Variants in IL1RL1 observed in about 807,000 individuals in gnomAD.
IL1RL1 encodes the protein interleukin 1 receptor like 1.
In IL1RL1, 32 loss-of-function variants were observed where a neutral mutation model predicts 50.9. The observed-to-expected ratio is 0.63, with a 90% CI of 0.47 to 0.84. The LOEUF (loss-of-function observed/expected upper bound fraction) is 0.84. Ranked by LOEUF, IL1RL1 falls within the 40% of genes least tolerant of loss-of-function variation. The pLI is 0.00. For missense variants in IL1RL1, 773 were observed against 662.9 expected (o/e 1.17, Z -1.82); for synonymous variants, 275 against 236.0 (o/e 1.17, Z -1.51).
intron 10 of IL1RL1, among the ~76,000 whole-genome samples, chr2:102,350,875 GC>G: frequency 6.6e-6 from 1 of 152,314 alleles, no homozygotes; most frequent in South Asian, 2.1e-4. Context: ...TCACGGTTGT[GC>G]TTTCTCCTGT....
At chr2:102,324,464 G>A (rs1676931524) in intron 1 of IL1RL1, among the ~76,000 whole-genome samples, 1 of 152,210 alleles carries the variant, frequency 6.6e-6, no homozygotes, top group African/African-American at 2.4e-5. Context: ...TCCAACTGAG[G>A]TACTGGGTTC....
intron 1 of IL1RL1, among the ~76,000 whole-genome samples, chr2:102,319,487 C>T (rs1676775702): frequency 6.6e-6 from 1 of 152,146 alleles, no homozygotes; most frequent in African/African-American, 2.4e-5. Context: ...CACTTAAATA[C>T]ATTTGATGAG....
Position 102,343,097 on chromosome 2 carries a change from C to T in IL1RL1, c.744C>T (p.Ala248=), listed in dbSNP as rs150894779. ...GAAAAGGCACTCAGTTCTTGGCTGC[C>T]GTCCTGTGGCAGCTTAATGGAACAA... ...CFGKGTQFLA[A]VLWQLNGTKI... The change falls in exon 7 of 11, where the codon GCC becomes GCT. Residue 248 remains alanine (A), a synonymous_variant. Coordinates refer to ENST00000233954, the MANE Select transcript of IL1RL1 (RefSeq NM_016232.5). 12 of 1,613,864 alleles carry T rather than the reference C, an allele frequency of 7.4e-6. No homozygotes were observed. Among genetic ancestry groups the T allele is most frequent in the South Asian group, 1.1e-5 (1 of 91,080 alleles).
At chr2:102,321,357 T>A (rs1573131433) in intron 1 of IL1RL1, among the ~76,000 whole-genome samples, 1 of 152,182 alleles carries the variant, frequency 6.6e-6, no homozygotes, top group Non-Finnish European at 1.5e-5. Context: ...ATCCCCAGCA[T>A]CTGAAACAGT....
intron 1 of IL1RL1, among the ~76,000 whole-genome samples, chr2:102,336,936 T>C (rs1015493106): frequency 6.6e-6 from 1 of 152,102 alleles, no homozygotes; most frequent in African/African-American, 2.4e-5. Flanking sequence ...TCAAGGAATA[T>C]CTGGAAAGGC....
At chr2:102,348,380 G>C (rs1677839129) in intron 9 of IL1RL1, among the ~76,000 whole-genome samples, 1 of 152,124 alleles carries the variant, frequency 6.6e-6, no homozygotes, top group Non-Finnish European at 1.5e-5. Context: ...AGCCCAGAAA[G>C]GTGTAAATTT....
At position 102,348,052 on chromosome 2, in the gene IL1RL1, C is replaced by A. The variant is rs1276519318; in HGVS notation, c.1078C>A (p.Leu360Ile). ...LKMFWIEATLLWRDIAKPYKT... is the reference protein window; with the variant it reads ...LKMFWIEATLIWRDIAKPYKT... ...AATGTTCTGGATTGAGGCCACTCTG[C>A]TCTGGAGAGACATAGCTAAACCTTA... The change falls in exon 9 of 11, where the codon CTC (leucine) becomes ATC (isoleucine). Residue 360 changes from leucine to isoleucine, a missense_variant. Physicochemically the swap from Leu to Ile is conservative, Grantham distance 5 (BLOSUM62 2). Coordinates refer to ENST00000233954, the MANE Select transcript of IL1RL1 (RefSeq NM_016232.5). 6.2e-7 allele frequency: 1 copy of A among 1,613,046 alleles called. No homozygotes were observed. The highest frequency in any genetic ancestry group is 8.5e-7 in the Non-Finnish European group (1 of 1,179,040).
At chr2:102,318,877 G>C (rs1385242688) in intron 1 of IL1RL1, among the ~76,000 whole-genome samples, 1 of 152,106 alleles carries the variant, frequency 6.6e-6, no homozygotes, top group African/African-American at 2.4e-5. Flanking sequence ...ACAGCATAAA[G>C]ACATCATAAT....
At chr2:102,312,028 TTA>T in intron 1 of IL1RL1, among the ~76,000 whole-genome samples, 1 of 49,978 alleles carries the variant, frequency 2.0e-5, no homozygotes, top group Admixed American at 3.4e-4. Context: ...ATAATATATA[TTA>T]TATATTAAAT....
intron 10 of IL1RL1, among the ~76,000 whole-genome samples, chr2:102,351,059 G>A (rs890659067): frequency 6.6e-6 from 1 of 152,192 alleles, no homozygotes; most frequent in African/African-American, 2.4e-5. Context: ...TGGGGGTGAA[G>A]TAAAGTCAGG....
intron 1 of IL1RL1, among the ~76,000 whole-genome samples, chr2:102,326,452 C>A (rs1382346516): frequency 2.6e-5 from 4 of 151,800 alleles, no homozygotes; most frequent in African/African-American, 9.7e-5. Flanking sequence ...AACTAACGAG[C>A]AAAATAAATA....
At chr2:102,323,247 T>TTATA (rs371889389) in intron 1 of IL1RL1, among the ~76,000 whole-genome samples, 6,887 of 97,800 alleles carry the variant, frequency 0.07, 220 homozygotes, top group Non-Finnish European at 0.079. Flanking sequence ...TTGTTAGGTT[T>TTATA]TATATATATA....
chr2:102,349,307 G>C, intron 10 of IL1RL1, 61 bp downstream of exon 10: 1 of 1,431,146 alleles, frequency 7.0e-7, no homozygotes, highest in Non-Finnish European at 9.8e-7. Context: ...TGTGAACTAG[G>C]TGGCCTTATC....
At position 102,351,653 on chromosome 2, in the gene IL1RL1, G is replaced by A. The variant is rs753888612; in HGVS notation, c.1403G>A (p.Cys468Tyr). The change falls in exon 11 of 11, where the codon TGT (cysteine) becomes TAT (tyrosine). Residue 468 changes from cysteine (C) to tyrosine (Y), a missense_variant. By Grantham distance (194) the Cys-to-Tyr change is radical. Coordinates refer to ENST00000233954, the MANE Select transcript of IL1RL1 (RefSeq NM_016232.5). ...TACGAGCAGGAGGTTGCCCTGCACT[G>A]TGCCCTCATCCAGAACGACGCCAAG... is the stretch of plus-strand genomic sequence containing the variant. Reference protein sequence around the residue: ...FAYEQEVALHCALIQNDAKVI... With the variant: ...FAYEQEVALHYALIQNDAKVI... 3 of 1,614,010 alleles carry A rather than the reference G, an allele frequency of 1.9e-6. No individual in the cohort carries two copies. The highest frequency in any genetic ancestry group is 2.5e-6 in the Non-Finnish European group (3 of 1,180,024).
chr2:102,332,010 G>A (rs1420104), intron 1 of IL1RL1, among the ~76,000 whole-genome samples: 46,502 of 152,046 alleles, frequency 0.31, 7,857 homozygotes, highest in Middle Eastern at 0.52. Context: ...GGAGACTGCA[G>A]TGAGCCATGA....
intron 8 of IL1RL1, among the ~76,000 whole-genome samples, chr2:102,346,620 GA>G (rs1677793007): frequency 6.6e-6 from 1 of 152,194 alleles, no homozygotes; most frequent in South Asian, 2.1e-4. Context: ...GGATTTTAGA[GA>G]GAGAGTGACC....
At chr2:102,317,317 G>A (rs1057338048) in intron 1 of IL1RL1, among the ~76,000 whole-genome samples, 2 of 151,980 alleles carry the variant, frequency 1.3e-5, no homozygotes, top group Admixed American at 1.3e-4. Flanking sequence ...TGGCGCCACC[G>A]CACTCCAGCC....
In IL1RL1 at chr2:102,340,283, AT is replaced by A; in HGVS notation, c.447+14del. The A allele has an allele frequency of 6.4e-7, 1 of 1,574,784 alleles. No homozygotes were observed. The highest frequency in any genetic ancestry group is 8.6e-7 in the Non-Finnish European group (1 of 1,165,066). On this transcript the variant is annotated intron_variant, in intron 4 of 10. Transcript: ENST00000233954. The stretch of plus-strand genomic sequence containing the variant: ...CTTGAGTGGTTTAAGGTAAGAAGAA[AT>A]TTGGAAGGAAATAGATGAAAATTAC...
intron 1 of IL1RL1, among the ~76,000 whole-genome samples, chr2:102,335,159 G>A (rs1677279174): frequency 6.6e-6 from 1 of 152,128 alleles, no homozygotes; most frequent in Non-Finnish European, 1.5e-5. Flanking sequence ...CTTTATTCAT[G>A]TATTAGAAGC....
Sources: gnomAD v4.1 joint callset for allele counts (sites outside exome capture counted in the v4.1 genomes callset) on GRCh38, gnomAD v4.1.1 for gene constraint, MANE v1.5 for transcripts, NCBI Gene and HGNC (gene_info 2026-07-23, HGNC 2026-07-21) for gene names.